EFHB: variants seen among roughly 807,000 people sequenced by gnomAD.
EFHB encodes the protein EF-hand domain family member B, also known as EF-hand domain-containing family member B.
A neutral mutation model predicts 87.2 loss-of-function variants in EFHB; 91 were observed. The ratio of observed to expected loss-of-function variants is 1.04; its 90% CI spans 0.88 to 1.24. EFHB has a LOEUF of 1.24. EFHB is among the 50% of genes most tolerant of loss of function. EFHB has a pLI of 0.00. For synonymous variants in EFHB, 325 were observed against 333.6 expected, an observed-to-expected ratio of 0.97 and a Z score of 0.28; for missense variants, 1,084 against 998.8, an observed-to-expected ratio of 1.09 and a Z score of -1.15.
upstream of EFHB, chr3:19,936,344 A>G (rs1277015147): frequency 7.3e-6 from 4 of 549,744 alleles, no homozygotes; most frequent in East Asian, 3.0e-5. Context: ...ACTGAAAAAA[A>G]AAAAAGTCCA....
intron 7 of EFHB, 43 bp downstream of exon 7, chr3:19,899,389 C>T (rs373909645): frequency 1.4e-6 from 2 of 1,425,170 alleles, no homozygotes; most frequent in Non-Finnish European, 1.9e-6. Context: ...TTTTTAAATT[C>T]TATGCAAAGA....
At chr3:19,882,444 G>A in intron 12 of EFHB, 106 bp downstream of exon 12, 2 of 1,051,440 alleles carry the variant, frequency 1.9e-6, no homozygotes, top group Non-Finnish European at 2.6e-6. Flanking sequence ...TATACTTGGG[G>A]ATCCTGTAGA....
chr3:19,923,036 G>C (rs947138748), intron 1 of EFHB, among the ~76,000 whole-genome samples: 1 of 152,152 alleles, frequency 6.6e-6, no homozygotes, highest in Admixed American at 6.5e-5. Flanking sequence ...GGGAGGCAAA[G>C]GCGGGCGGAT....
intron 4 of EFHB, among the ~76,000 whole-genome samples, chr3:19,916,392 G>T (rs557326511): frequency 6.6e-6 from 1 of 152,036 alleles, no homozygotes; most frequent in Non-Finnish European, 1.5e-5. Flanking sequence ...GCACACGCCT[G>T]TAATCCCAGC....
At chr3:19,944,661 ATGAAGGAGG>A (rs1263564598) in intron 1 of EFHB, among the ~76,000 whole-genome samples, 1 of 152,244 alleles carries the variant, frequency 6.6e-6, no homozygotes, top group Non-Finnish European at 1.5e-5. Flanking sequence ...AAAAGTATTC[ATGAAGGAGG>A]TGAAGACAAA....
At chr3:19,898,706 A>G in intron 8 of EFHB, 72 bp downstream of exon 8, 1 of 1,426,276 alleles carries the variant, frequency 7.0e-7, no homozygotes, top group Non-Finnish European at 9.9e-7. Context: ...TGGTGAGCTT[A>G]ACTGCATAAC....
chr3:19,918,163 T>C, intron 4 of EFHB, 69 bp downstream of exon 4: 1 of 1,344,980 alleles, frequency 7.4e-7, no homozygotes, highest in South Asian at 1.5e-5. Context: ...AAATAAGATA[T>C]TTAATCAAAT....
At chr3:19,884,265 G>T in intron 11 of EFHB, 138 bp downstream of exon 11, 1 of 764,494 alleles carries the variant, frequency 1.3e-6, no homozygotes, top group Non-Finnish European at 2.1e-6. Flanking sequence ...CTCCTCCCCA[G>T]GTGGTTAGAA....
At chr3:19,926,753 C>T (rs369462851) in intron 1 of EFHB, among the ~76,000 whole-genome samples, 5 of 151,860 alleles carry the variant, frequency 3.3e-5, no homozygotes, top group Admixed American at 1.3e-4. Flanking sequence ...CTCCGCCTCC[C>T]GGGCTCAAGT....
chr3:19,894,989 A>AATATATATATAT (rs1553629698), intron 9 of EFHB: 14 of 144,522 alleles, frequency 9.7e-5, no homozygotes, highest in African/African-American at 3.4e-4. Flanking sequence ...TGTCTCAAAA[A>AATATATATATAT]ATATATATAT....
upstream of EFHB, chr3:19,936,227 G>T: frequency 1.2e-6 from 1 of 829,574 alleles, no homozygotes; most frequent in Non-Finnish European, 2.0e-6. Context: ...GCTCACATCT[G>T]TAGTCTCAGC....
At chr3:19,894,989 A>AAAATATATATATATATATATATATATAT (rs369564576) in intron 9 of EFHB, 12 of 144,508 alleles carry the variant, frequency 8.3e-5, no homozygotes, top group African/African-American at 3.2e-4. Context: ...TGTCTCAAAA[A>AAAATATATATATATATATATATATATAT]ATATATATAT....
intron 12 of EFHB, among the ~76,000 whole-genome samples, chr3:19,880,523 A>T (rs1183454415): frequency 2.0e-5 from 3 of 152,160 alleles, no homozygotes; most frequent in Admixed American, 6.5e-5. Context: ...AAGTGCTGGG[A>T]TTACAGGCAT....
chr3:19,901,976 G>A (rs888241466), intron 6 of EFHB, among the ~76,000 whole-genome samples: 1 of 151,782 alleles, frequency 6.6e-6, no homozygotes, highest in Non-Finnish European at 1.5e-5. Flanking sequence ...CAGCTCCAAG[G>A]TACATAATTA....
At chr3:19,934,242 G>A, upstream of EFHB, 1 of 1,424,482 alleles carries the variant, frequency 7.0e-7, no homozygotes, top group Non-Finnish European at 9.1e-7. Context: ...CTGGGAAACA[G>A]GGGCGGGGCT....
intron 12 of EFHB, among the ~76,000 whole-genome samples, chr3:19,881,195 T>A (rs1418360316): frequency 2.0e-5 from 3 of 152,140 alleles, no homozygotes; most frequent in African/African-American, 7.2e-5. Flanking sequence ...ACTGGTAGTT[T>A]AAAAAGGCCC....
At chr3:19,907,962 C>A (rs1039393426) in intron 5 of EFHB, among the ~76,000 whole-genome samples, 1 of 152,080 alleles carries the variant, frequency 6.6e-6, no homozygotes, top group Non-Finnish European at 1.5e-5. Flanking sequence ...GGTCTAAGGG[C>A]AAATTGGGCA....
chr3:19,941,971 A>G lies in EFHB; in HGVS notation c.-32+4948T>C, dbSNP rs575565880. Among the ~76,000 whole-genome samples the G allele has an allele frequency of 4.1e-4, 62 of 152,082 alleles. 1 individual carries two copies. Among genetic ancestry groups the G allele is most frequent in the African/African-American group, 1.4e-3 (60 of 41,474 alleles). Reference sequence around the variant, plus strand: ...GGTGTTTGAGACCAGCCTGGCCAACATGGTGAAACCACGTCTCTACTAAAA... The same window carrying G: ...GGTGTTTGAGACCAGCCTGGCCAACGTGGTGAAACCACGTCTCTACTAAAA... On this transcript the variant is annotated intron_variant, in intron 1 of 14. Transcript: ENST00000344838.
chr3:19,941,245 C>A, intron 1 of EFHB: 1 of 306,824 alleles, frequency 3.3e-6, no homozygotes, highest in South Asian at 4.5e-5. Flanking sequence ...GTCCAGGTGT[C>A]ACAGAACAGG....
Sources: gnomAD v4.1 joint callset for allele counts (sites outside exome capture counted in the v4.1 genomes callset) on GRCh38, gnomAD v4.1.1 for gene constraint, MANE v1.5 for transcripts, NCBI Gene and HGNC (gene_info 2026-07-23, HGNC 2026-07-21) for gene names.